SDK1: variants seen among roughly 807,000 people sequenced by gnomAD.
The protein encoded by SDK1 is sidekick cell adhesion molecule 1.
In SDK1, 157 loss-of-function variants were observed where a neutral mutation model predicts 245.5. The ratio of observed to expected loss-of-function variants is 0.64; its 90% confidence interval spans 0.56 to 0.73. The LOEUF (loss-of-function observed/expected upper bound fraction) is 0.73, where lower values mean the gene tolerates loss of function less well. SDK1 is among the 30% of genes least tolerant of loss of function. The pLI is 0.00. For synonymous variants in SDK1, 1,647 were observed against 1,278.5 expected (o/e 1.29, Z -6.15); for missense variants, 3,583 against 3,002.3 (o/e 1.19, Z -4.52).
intron 4 of SDK1, among the ~76,000 whole-genome samples, chr7:3,694,260 G>A (rs1784511898): frequency 6.6e-6 from 1 of 152,172 alleles, no homozygotes; most frequent in Admixed American, 6.5e-5. Flanking sequence ...TGAGAAAGGC[G>A]AATCTAAGAG....
rs140257330 is a variant in SDK1, at chr7:3,967,523, T to A, written c.1546+89T>A. The A allele has an allele frequency of 1.0e-3, 841 of 808,988 alleles. 1 individual carries two copies. The highest frequency in any genetic ancestry group is 5.6e-3 in the Middle Eastern group (19 of 3,366). 50.1% of individuals were successfully genotyped at this position (808,988 alleles called of 1,614,324 possible). Reference sequence around the variant, plus strand: ...CTTGCTTCTTATTCACTCTCTTGTTTATTCACTTATGCATTCACTCAATGA... The same window carrying A: ...CTTGCTTCTTATTCACTCTCTTGTTAATTCACTTATGCATTCACTCAATGA... On this transcript the variant is annotated intron_variant, in intron 10 of 44. Coordinates refer to ENST00000404826, the MANE Select transcript of SDK1 (RefSeq NM_152744.4).
In SDK1 at chr7:3,410,578, CTTTTTTTTTT is replaced by C. The variant is rs776277920; in HGVS notation, c.298+108710_298+108719del. On this transcript the variant is annotated intron_variant, in intron 1 of 44. Transcript: ENST00000404826. ...TCATAAGTGGCAGGTGAAATGATAT[CTTTTTTTTTT>C]TTTTTTTTTTTTTTTGGAGAAGGAG... Among the ~76,000 whole-genome samples, 155 of 82,072 alleles carry C rather than the reference CTTTTTTTTTT, an allele frequency of 1.9e-3. 3 individuals are homozygous for C. The highest frequency in any genetic ancestry group is 7.6e-3 in the African/African-American group (145 of 18,974). The allele number at this position is 82,072 out of a possible 152,430, so 53.8% of individuals were successfully genotyped here.
intron 22 of SDK1, among the ~76,000 whole-genome samples, chr7:4,083,346 C>G (rs1317557553): frequency 1.3e-5 from 2 of 152,080 alleles, no homozygotes; most frequent in East Asian, 3.9e-4. Context: ...TGGAATCCCC[C>G]ACTCTTTTCC....
At chr7:4,139,050 C>A (rs1048679002) in intron 28 of SDK1, among the ~76,000 whole-genome samples, 1 of 152,254 alleles carries the variant, frequency 6.6e-6, no homozygotes, top group African/African-American at 2.4e-5. Flanking sequence ...ACTGCAGCTC[C>A]CCCCGTGTCA....
In SDK1 at chr7:4,072,081, G is replaced by T. The variant is rs565424903; in HGVS notation, c.3010+4145G>T. Among the ~76,000 whole-genome samples the T allele has an allele frequency of 1.3e-3, 199 of 152,346 alleles. 2 individuals are homozygous for T. Among genetic ancestry groups the T allele is most frequent in the African/African-American group, 4.6e-3 (192 of 41,586 alleles). On this transcript the variant is annotated intron_variant, in intron 20 of 44. Coordinates refer to ENST00000404826, the MANE Select transcript of SDK1 (RefSeq NM_152744.4). ...CAATACTTCCAATTTATGATCGTCT[G>T]TTTCACCAGCTAATGGGGCTTCATG...
At chr7:3,651,860 C>T (rs879392988) in intron 4 of SDK1, among the ~76,000 whole-genome samples, 3 of 152,146 alleles carry the variant, frequency 2.0e-5, no homozygotes, top group Admixed American at 2.0e-4. Flanking sequence ...ATGATGTCTT[C>T]GAACGCCAAG....
intron 44 of SDK1, among the ~76,000 whole-genome samples, chr7:4,262,691 A>C: frequency 1.7e-5 from 2 of 117,324 alleles, no homozygotes; most frequent in Admixed American, 8.7e-5. Flanking sequence ...GCACCCCCCA[A>C]TCCTCTCCCC....
chr7:3,778,919 G>A (rs927441451), intron 4 of SDK1, among the ~76,000 whole-genome samples: 12 of 152,224 alleles, frequency 7.9e-5, no homozygotes, highest in Non-Finnish European at 1.6e-4. Flanking sequence ...AATGGTTTCA[G>A]ACTAAAGAAT....
At chr7:3,852,856 A>G (rs1280692557) in intron 5 of SDK1, among the ~76,000 whole-genome samples, 1 of 151,954 alleles carries the variant, frequency 6.6e-6, no homozygotes, top group Non-Finnish European at 1.5e-5. Flanking sequence ...TAAATTCTTA[A>G]ATTCCATGTA....
chr7:4,232,689 C>G (rs147785584), intron 40 of SDK1, among the ~76,000 whole-genome samples: 83 of 151,886 alleles, frequency 5.5e-4, no homozygotes, highest in Non-Finnish European at 1.1e-3. Flanking sequence ...GTCTCCAGCT[C>G]TGGGCTCAAG....
chr7:3,810,709 C>T (rs951910305), intron 4 of SDK1, among the ~76,000 whole-genome samples: 2 of 152,220 alleles, frequency 1.3e-5, no homozygotes, highest in Admixed American at 6.5e-5. Context: ...TACTAGACAG[C>T]ATCTTTCCTA....
chr7:3,911,250 C>A (rs989666159), intron 5 of SDK1, among the ~76,000 whole-genome samples: 3 of 152,178 alleles, frequency 2.0e-5, no homozygotes, highest in Non-Finnish European at 2.9e-5. Context: ...ACCCATGCTT[C>A]TTTGTCCTCT....
intron 4 of SDK1, among the ~76,000 whole-genome samples, chr7:3,722,574 G>C (rs1271907362): frequency 6.6e-6 from 1 of 152,134 alleles, no homozygotes; most frequent in African/African-American, 2.4e-5. Flanking sequence ...GAGCTCCTTA[G>C]GGATGCACTG....
intron 1 of SDK1, among the ~76,000 whole-genome samples, chr7:3,525,785 T>C (rs866181012): frequency 1.3e-5 from 2 of 152,212 alleles, no homozygotes; most frequent in East Asian, 1.9e-4. Context: ...TGGAATTCTC[T>C]AACTCCCTCT....
intron 35 of SDK1, among the ~76,000 whole-genome samples, chr7:4,183,558 C>T (rs755430241): frequency 2.0e-5 from 3 of 150,614 alleles, no homozygotes; most frequent in East Asian, 2.0e-4. Context: ...TCGCTTGAAC[C>T]GGAACCCGGG....
chr7:3,585,353 A>G (rs1780650172), intron 1 of SDK1, among the ~76,000 whole-genome samples: 1 of 152,254 alleles, frequency 6.6e-6, no homozygotes, highest in Non-Finnish European at 1.5e-5. Context: ...AGAACTTGTA[A>G]TAAAGCTAGA....
At chr7:3,985,347 CTT>C (rs1783740457) in intron 13 of SDK1, among the ~76,000 whole-genome samples, 1 of 152,170 alleles carries the variant, frequency 6.6e-6, no homozygotes, top group Admixed American at 6.5e-5. Context: ...TCAGGTGGGA[CTT>C]TTTCAACAAC....
rs535794734 is a variant in SDK1 at position 3,407,765 on chromosome 7, A to G, written c.298+105881A>G. Among the ~76,000 whole-genome samples, 7 of 152,314 alleles carry G rather than the reference A, an allele frequency of 4.6e-5. No homozygotes were observed. In the South Asian group the frequency reaches 1.2e-3, roughly 27 times the overall value. ...TGTTCTAGGCATTGGGTATACAAGGATAACTAAGAATTTGTCCTTCTCCTC... is the reference window on the plus strand; with the variant it reads ...TGTTCTAGGCATTGGGTATACAAGGGTAACTAAGAATTTGTCCTTCTCCTC... On this transcript the variant is annotated intron_variant, in intron 1 of 44. Coordinates refer to ENST00000404826, the MANE Select transcript of SDK1 (RefSeq NM_152744.4).
intron 5 of SDK1, among the ~76,000 whole-genome samples, chr7:3,906,929 C>A (rs1778968596): frequency 6.6e-6 from 1 of 152,154 alleles, no homozygotes; most frequent in East Asian, 1.9e-4. Flanking sequence ...CGTACCCTGC[C>A]TCTGTGTCTT....
Sources: allele counts gnomAD v4.1 joint callset (sites outside exome capture counted in the v4.1 genomes callset), GRCh38; gene constraint gnomAD v4.1.1; transcripts MANE v1.5; gene names NCBI Gene and HGNC (gene_info 2026-07-23, HGNC 2026-07-21).